The following HNF4A variants were observed in gnomAD, a reference collection of about 807,000 sequenced individuals.
HNF4A encodes the protein hepatocyte nuclear factor 4 alpha, also known as hepatocyte nuclear factor 4-alpha.
HNF4A carries 15 observed loss-of-function variants against 52.4 expected under a neutral mutation model. That is an observed-to-expected ratio of 0.29 (90% CI 0.19 to 0.44). The LOEUF is 0.44. Among genes scored for constraint, HNF4A ranks in the 20% least tolerant of loss-of-function variants. HNF4A has a pLI of 1.00. For missense variants in HNF4A, 479 were observed against 647.2 expected, an observed-to-expected ratio of 0.74 and a Z score of 2.82; for synonymous variants, 280 against 264.4, an observed-to-expected ratio of 1.06 and a Z score of -0.57.
exon 1 of HNF4A, chr20:44,355,758 C>T (rs2062850018): frequency 6.3e-7 from 1 of 1,585,988 alleles, no homozygotes; most frequent in Non-Finnish European, 8.7e-7. Flanking sequence ...TGTGAGCGGG[C>T]CCCTGCTCCT....
intron 1 of HNF4A, chr20:44,377,718 TAAC>T (rs1318659801): frequency 1.3e-5 from 2 of 152,066 alleles, no homozygotes; most frequent in African/African-American, 4.8e-5. Context: ...AAAGTTGAAA[TAAC>T]AAAAAATAAA....
chr20:44,421,189 C>T (rs189527380), intron 7 of HNF4A, among the ~76,000 whole-genome samples: 2 of 152,270 alleles, frequency 1.3e-5, no homozygotes, highest in Admixed American at 1.3e-4. Flanking sequence ...ATCTCCCAAC[C>T]CTTCACATTG....
upstream of HNF4A, among the ~76,000 whole-genome samples, chr20:44,398,904 G>A (rs887578103): frequency 2.0e-5 from 3 of 152,210 alleles, no homozygotes; most frequent in African/African-American, 2.4e-5. Context: ...CACATTCCCC[G>A]TTAAGCAATG....
intron 1 of HNF4A, among the ~76,000 whole-genome samples, chr20:44,358,248 GAAAA>G (rs57044554): frequency 7.9e-5 from 9 of 113,278 alleles, no homozygotes; most frequent in African/African-American, 3.0e-4. Flanking sequence ...GAAGGCTCCA[GAAAA>G]AAAAAAAAAA....
At chr20:44,424,613 T>C (rs2146471761) in intron 8 of HNF4A, 2 of 1,410,026 alleles carry the variant, frequency 1.4e-6, no homozygotes, top group Admixed American at 5.8e-5. Flanking sequence ...TCACATTTTA[T>C]GATTTTGAAA....
Position 44,430,669 on chromosome 20 carries a change from C to G in HNF4A, c.*1004C>G, listed in dbSNP as rs1320732552. On this transcript the variant is annotated 3_prime_UTR_variant, in exon 10 of 10. Transcript: ENST00000316099. ...GCTGGAGAGCATAGGGTCTGGAACA[C>G]CAGGCTGAGGTCCTGATCAGCTTCA... The G allele has an allele frequency of 6.6e-6, 1 of 152,442 alleles. No homozygotes were observed. The highest frequency in any genetic ancestry group is 2.4e-5 in the African/African-American group (1 of 41,418). The allele number at this position is 152,442 out of a possible 1,614,324, so 9.4% of individuals were successfully genotyped here.
intron 3 of HNF4A, among the ~76,000 whole-genome samples, chr20:44,410,692 A>G (rs969680243): frequency 1.3e-5 from 2 of 152,176 alleles, no homozygotes; most frequent in Admixed American, 6.5e-5. Flanking sequence ...AGCTGAGTCT[A>G]TAAGAGGTCA....
upstream of HNF4A, among the ~76,000 whole-genome samples, chr20:44,396,433 C>G (rs929595273): frequency 6.6e-6 from 1 of 152,156 alleles, no homozygotes; most frequent in Non-Finnish European, 1.5e-5. Flanking sequence ...CACATGCCTC[C>G]CCAACTGCAG....
rs114856042 is a variant in HNF4A at position 44,382,396 on chromosome 20, G to A, written c.50-23662G>A. 3.6e-3 allele frequency among the ~76,000 whole-genome samples: 552 copies of A among 151,992 alleles called. 2 individuals carry two copies. The highest frequency in any genetic ancestry group is 0.013 in the African/African-American group (529 of 41,480). Reference sequence around the variant, plus strand: ...TGGGACTACAGGTGCGTACCACTACGCAAGGCTAATTTTTGTATTTTTAGT... The same window carrying A: ...TGGGACTACAGGTGCGTACCACTACACAAGGCTAATTTTTGTATTTTTAGT... On this transcript the variant is annotated intron_variant, in intron 1 of 9. Coordinates refer to the HNF4A transcript ENST00000316673.
intron 1 of HNF4A, among the ~76,000 whole-genome samples, chr20:44,376,137 C>G (rs1382646884): frequency 6.6e-6 from 1 of 152,076 alleles, no homozygotes; most frequent in Non-Finnish European, 1.5e-5. Context: ...TGGTGGCATG[C>G]ACCTGTAATC....
chr20:44,416,255 T>A (rs192918351), intron 5 of HNF4A, among the ~76,000 whole-genome samples: 1 of 152,340 alleles, frequency 6.6e-6, no homozygotes, highest in Non-Finnish European at 1.5e-5. Flanking sequence ...GGGGCATCCC[T>A]GGGAAAGTCG....
In HNF4A at chr20:44,381,614, T is replaced by C. The variant is rs543568775; in HGVS notation, c.50-24444T>C. 1.1e-4 allele frequency among the ~76,000 whole-genome samples: 16 copies of C among 152,022 alleles called. No homozygotes were observed. The South Asian group carries it at 2.9e-3, about 28-fold the overall frequency. ...CACTCTTTTCCAAAGGAAAGTACTT[T>C]GTTGCCTTTTTTTTGAGACTGAGTC... is the stretch of plus-strand genomic sequence containing the variant. On this transcript the variant is annotated intron_variant, in intron 1 of 9. Transcript: ENST00000316673.
intron 6 of HNF4A, among the ~76,000 whole-genome samples, chr20:44,419,018 C>T (rs1454347323): frequency 6.6e-6 from 1 of 152,128 alleles, no homozygotes; most frequent in Non-Finnish European, 1.5e-5. Flanking sequence ...TCAAATAATC[C>T]ACCCGCCTCA....
At chr20:44,424,329 C>T (rs1464299914) in intron 8 of HNF4A, 75 bp downstream of exon 8, 1 of 1,585,300 alleles carries the variant, frequency 6.3e-7, no homozygotes, top group Non-Finnish European at 8.6e-7. Flanking sequence ...AGTGAGCTCA[C>T]CCCTCAGCTC....
intron 3 of HNF4A, among the ~76,000 whole-genome samples, chr20:44,409,036 C>T (rs1327968516): frequency 2.0e-5 from 3 of 151,888 alleles, no homozygotes; most frequent in Non-Finnish European, 4.4e-5. Context: ...TTTTCTCTGC[C>T]CCCTCCCTTG....
At chr20:44,397,297 C>G (rs531583982), upstream of HNF4A, among the ~76,000 whole-genome samples, 2 of 152,036 alleles carry the variant, frequency 1.3e-5, no homozygotes, top group South Asian at 4.2e-4. Context: ...AAGTTGCTTT[C>G]TTTTTTCCAC....
At chr20:44,418,031 T>C (rs1046641441) in intron 5 of HNF4A, among the ~76,000 whole-genome samples, 12 of 151,818 alleles carry the variant, frequency 7.9e-5, no homozygotes, top group African/African-American at 2.4e-4. Context: ...TCTCCATAGC[T>C]GGTCCATGGG....
intron 1 of HNF4A, among the ~76,000 whole-genome samples, chr20:44,405,477 G>A (rs778397568): frequency 6.6e-6 from 1 of 152,050 alleles, no homozygotes; most frequent in Non-Finnish European, 1.5e-5. Flanking sequence ...CTGCCTCTAC[G>A]GCCCCCCTCA....
At chr20:44,420,630 A>T (rs181771169) in intron 7 of HNF4A, among the ~76,000 whole-genome samples, 1 of 152,178 alleles carries the variant, frequency 6.6e-6, no homozygotes, top group East Asian at 1.9e-4. Flanking sequence ...AACTAAAAAA[A>T]ATTAGCCAGG....
Sources: allele counts gnomAD v4.1 joint callset (sites outside exome capture counted in the v4.1 genomes callset), GRCh38; gene constraint gnomAD v4.1.1; transcripts MANE v1.5; gene names NCBI Gene and HGNC (gene_info 2026-07-23, HGNC 2026-07-21).